Variants in NEGR1 observed in about 807,000 individuals in gnomAD.
NEGR1 encodes the protein neuronal growth regulator 1.
A neutral mutation model predicts 40.9 loss-of-function variants in NEGR1; 10 were observed. The ratio of observed to expected loss-of-function variants is 0.24; its 90% CI spans 0.15 to 0.42. NEGR1 has a LOEUF of 0.42. Among genes scored for constraint, NEGR1 ranks in the 10% least tolerant of loss-of-function variants. The pLI, the probability that NEGR1 is intolerant of heterozygous loss-of-function variation, is 1.00. For missense variants in NEGR1, 352 were observed against 438.9 expected (o/e 0.80, Z 1.77); for synonymous variants, 185 against 166.8 (o/e 1.11, Z -0.84).
chr1:71,883,772 G>T (rs1423417441), intron 2 of NEGR1, among the ~76,000 whole-genome samples: 1 of 130,020 alleles, frequency 7.7e-6, no homozygotes, highest in Non-Finnish European at 1.5e-5. Context: ...TCCCCATCCT[G>T]TATCCAAGTG....
At chr1:72,252,150 G>A (rs2100531664) in intron 1 of NEGR1, among the ~76,000 whole-genome samples, 1 of 128,278 alleles carries the variant, frequency 7.8e-6, no homozygotes, top group African/African-American at 5.2e-5. Context: ...TTGTTTTCCA[G>A]GCTGGAGTGC....
At chr1:72,050,578 C>A (rs1647050101) in intron 1 of NEGR1, among the ~76,000 whole-genome samples, 1 of 151,418 alleles carries the variant, frequency 6.6e-6, no homozygotes, top group Admixed American at 6.6e-5. Context: ...CCATGGTTGA[C>A]CCTTCTATAT....
At chr1:71,976,214 G>A (rs1432725956) in intron 1 of NEGR1, among the ~76,000 whole-genome samples, 1 of 152,044 alleles carries the variant, frequency 6.6e-6, no homozygotes, top group African/African-American at 2.4e-5. Flanking sequence ...CTTTCCTTTT[G>A]TTTTCGCTTC....
At chr1:71,676,188 CTT>C (rs1557609088) in intron 4 of NEGR1, among the ~76,000 whole-genome samples, 2 of 152,006 alleles carry the variant, frequency 1.3e-5, no homozygotes, top group Non-Finnish European at 2.9e-5. Flanking sequence ...ACTAAGGACA[CTT>C]TTTGTGTGTG....
intron 1 of NEGR1, among the ~76,000 whole-genome samples, chr1:72,162,841 A>G (rs1231686406): frequency 6.6e-6 from 1 of 152,166 alleles, no homozygotes; most frequent in Non-Finnish European, 1.5e-5. Flanking sequence ...TCATTAAACA[A>G]CAAATACTTT....
At position 71,546,300 on chromosome 1, in the gene NEGR1, T is replaced by C. The variant is rs184267002; in HGVS notation, c.940+46517A>G. ...TAAAGCAACTTGATGCACCTATTAA[T>C]TAATGCATTTATCTATTCAAAAGTT... On this transcript the variant is annotated intron_variant, in intron 6 of 6. Transcript: ENST00000357731. Among the ~76,000 whole-genome samples, 98 of 151,802 alleles carry C rather than the reference T, an allele frequency of 6.5e-4. 1 individual carries two copies. The East Asian group carries it at 0.015, about 24-fold the overall frequency.
intron 4 of NEGR1, among the ~76,000 whole-genome samples, chr1:71,681,665 C>T (rs1422104170): frequency 6.6e-6 from 1 of 152,150 alleles, no homozygotes; most frequent in Non-Finnish European, 1.5e-5. Flanking sequence ...TGAGTCATTT[C>T]TTTCTTTGAA....
At chr1:71,513,686 A>G (rs1205336439) in intron 6 of NEGR1, among the ~76,000 whole-genome samples, 2 of 152,230 alleles carry the variant, frequency 1.3e-5, no homozygotes, top group Non-Finnish European at 2.9e-5. Flanking sequence ...AGCCTCCTTA[A>G]GATCACACAG....
chr1:71,482,518 T>A (rs1646860934), intron 6 of NEGR1, among the ~76,000 whole-genome samples: 1 of 151,852 alleles, frequency 6.6e-6, no homozygotes. Flanking sequence ...CAGCATCAAA[T>A]GATATGACTA....
At chr1:71,487,564 C>T (rs1225802907) in intron 6 of NEGR1, among the ~76,000 whole-genome samples, 2 of 151,694 alleles carry the variant, frequency 1.3e-5, no homozygotes, top group African/African-American at 4.8e-5. Flanking sequence ...TATTTGTCTC[C>T]ATTTTTGTAT....
At chr1:71,704,510 A>G (rs1653819442) in intron 3 of NEGR1, among the ~76,000 whole-genome samples, 1 of 151,972 alleles carries the variant, frequency 6.6e-6, no homozygotes, top group South Asian at 2.1e-4. Context: ...TAATATTAAG[A>G]CAAACTACTT....
At chr1:71,711,483 A>AC (rs1166255501) in intron 3 of NEGR1, among the ~76,000 whole-genome samples, 1 of 149,930 alleles carries the variant, frequency 6.7e-6, no homozygotes, top group Non-Finnish European at 1.5e-5. Flanking sequence ...AAAATTTACA[A>AC]AAAAAAAAAA....
intron 2 of NEGR1, among the ~76,000 whole-genome samples, chr1:71,841,796 GA>G (rs1403808183): frequency 6.6e-6 from 1 of 152,090 alleles, no homozygotes; most frequent in African/African-American, 2.4e-5. Flanking sequence ...TGTCCTAAAA[GA>G]AAAGAATACA....
Position 71,396,250 on chromosome 1 carries a change from G to A in NEGR1, c.*11196C>T, listed in dbSNP as rs1281618056. On this transcript the variant is annotated 3_prime_UTR_variant, in exon 7 of 7. Transcript: ENST00000357731. Reference sequence around the variant, plus strand: ...CAAAGAAAGGATTAGAGAAATGGGTGCCTTTTTCTTCAGTTTGATCATAGT... The same window carrying A: ...CAAAGAAAGGATTAGAGAAATGGGTACCTTTTTCTTCAGTTTGATCATAGT... The A allele has an allele frequency of 1.3e-5, 2 of 152,114 alleles. No homozygotes were observed. The highest frequency in any genetic ancestry group is 6.6e-5 in the Admixed American group (1 of 15,260). 9.4% of individuals were successfully genotyped at this position (152,114 alleles called of 1,614,324 possible). A position where few individuals can be genotyped will look rare whatever the true frequency, so the allele number is the denominator to read the frequency against.
chr1:71,924,195 A>G (rs1645749902), intron 2 of NEGR1, among the ~76,000 whole-genome samples: 1 of 152,154 alleles, frequency 6.6e-6, no homozygotes, highest in South Asian at 2.1e-4. Flanking sequence ...TTTCCTTGCC[A>G]CTTAACCTAA....
intron 1 of NEGR1, among the ~76,000 whole-genome samples, chr1:71,980,586 T>A (rs768190453): frequency 1.3e-5 from 2 of 152,184 alleles, no homozygotes; most frequent in Non-Finnish European, 2.9e-5. Flanking sequence ...GCATCTGCTT[T>A]AAAAGTCCCT....
At chr1:72,130,729 A>T (rs1650215351) in intron 1 of NEGR1, among the ~76,000 whole-genome samples, 1 of 152,000 alleles carries the variant, frequency 6.6e-6, no homozygotes, top group Admixed American at 6.6e-5. Flanking sequence ...AGCCATTCTG[A>T]CCTCCTCAGC....
chr1:71,497,034 C>T (rs357224), intron 6 of NEGR1, among the ~76,000 whole-genome samples: 150,928 of 152,266 alleles, frequency 0.99, 74,808 homozygotes, highest in Middle Eastern at 1. Context: ...ATATGCAAAG[C>T]GTGGTGTGTC....
In NEGR1 at chr1:71,510,384, A is replaced by G. The variant is rs549064173; in HGVS notation, c.940+82433T>C. On this transcript the variant is annotated intron_variant, in intron 6 of 6. Coordinates refer to ENST00000357731, the MANE Select transcript of NEGR1 (RefSeq NM_173808.3). ...GGTTTAGATGAAAATGAGACCAAAG[A>G]AAGTAAATAGAAAAGAGGAGGGAAT... is the stretch of plus-strand genomic sequence containing the variant. Among the ~76,000 whole-genome samples, 6 of 152,372 alleles carry G rather than the reference A, an allele frequency of 3.9e-5. No individual in the cohort carries two copies. The East Asian group carries it at 9.6e-4, about 24-fold the overall frequency.
Sources: allele counts gnomAD v4.1 joint callset (sites outside exome capture counted in the v4.1 genomes callset), GRCh38; gene constraint gnomAD v4.1.1; transcripts MANE v1.5; gene names NCBI Gene and HGNC (gene_info 2026-07-23, HGNC 2026-07-21).